Variants in PSMA4 observed in about 807,000 individuals in gnomAD.
The protein encoded by PSMA4 is proteasome 20S subunit alpha 4.
Under a neutral mutation model 37.2 loss-of-function variants are expected in PSMA4, and 8 were observed. The observed-to-expected ratio is 0.22, with a 90% confidence interval of 0.13 to 0.39. The LOEUF (loss-of-function observed/expected upper bound fraction) is 0.39, where lower values mean the gene tolerates loss of function less well. Among genes scored for constraint, PSMA4 ranks in the 10% least tolerant of loss-of-function variants. The pLI is 1.00. For synonymous variants in PSMA4, 93 were observed against 98.8 expected (o/e 0.94, Z 0.35); for missense variants, 169 against 305.1 (o/e 0.55, Z 3.32).
rs573135732 is a variant in PSMA4 at position 78,548,665 on chromosome 15, A to G, written c.632-125A>G. The stretch of plus-strand genomic sequence containing the variant: ...AAGGGAATAATGTTAAGTATAAAAC[A>G]TAGGAGAGTGCTGAACTAACGTTTC... On this transcript the variant is annotated intron_variant, in intron 8 of 8. Coordinates refer to ENST00000044462, the MANE Select transcript of PSMA4 (RefSeq NM_002789.6). The G allele has an allele frequency of 1.2e-3, 1,572 of 1,291,738 alleles. 2 individuals carry two copies. Among genetic ancestry groups the G allele is most frequent in the Non-Finnish European group, 1.5e-3 (1,455 of 960,116 alleles). 80.0% of individuals were successfully genotyped at this position (1,291,738 alleles called of 1,614,324 possible). A position where few individuals can be genotyped will look rare whatever the true frequency, so the allele number is the denominator to read the frequency against.
chr15:78,541,837 G>A, intron 1 of PSMA4, 68 bp from the exon 2 acceptor site: 3 of 1,317,556 alleles, frequency 2.3e-6, no homozygotes, highest in Non-Finnish European at 3.3e-6. Context: ...AAACAGATTT[G>A]TAAAGTCAGC....
At position 78,544,199 on chromosome 15, in the gene PSMA4, T is replaced by C. The variant is rs183640841; in HGVS notation, c.219T>C (p.Ala73=). ...TCTTTTTTTCTTCAAGGGACATGGC[T>C]TGCAGTGTGGCAGGCATAACTTCTG... The part of the protein sequence containing the change: ...EKIYKLNEDM[A]CSVAGITSDA... The change falls in exon 5 of 9, where the codon GCT becomes GCC. Residue 73 remains alanine, a synonymous_variant. Coordinates refer to ENST00000044462, the MANE Select transcript of PSMA4 (RefSeq NM_002789.6). 25 of 1,613,566 alleles carry C rather than the reference T, an allele frequency of 1.5e-5. No individual in the cohort carries two copies. Among genetic ancestry groups the C allele is most frequent in the Non-Finnish European group, 2.0e-5 (24 of 1,179,474 alleles).
rs74432965 is a variant in PSMA4 at position 78,544,396 on chromosome 15, A to G, written c.287+129A>G. On this transcript the variant is annotated intron_variant, in intron 5 of 8. Coordinates refer to ENST00000044462, the MANE Select transcript of PSMA4 (RefSeq NM_002789.6). ...AGTGGCACGATCTTGGCTCACTGCA[A>G]CCTCCGCCTCCCGGGTTCAAGCGAT... The G allele has an allele frequency of 7.1e-6, 4 of 560,912 alleles. No individual in the cohort carries two copies. The East Asian group carries it at 9.7e-5, about 14-fold the overall frequency. 34.7% of individuals were successfully genotyped at this position (560,912 alleles called of 1,614,324 possible).
At chr15:78,540,776 G>A (rs1281615159) in intron 1 of PSMA4, 8 of 152,250 alleles carry the variant, frequency 5.3e-5, no homozygotes, top group Non-Finnish European at 8.8e-5. Context: ...GGGGCGGGCT[G>A]AGGGTGGGGG....
intron 7 of PSMA4, 86 bp from the exon 8 acceptor site, chr15:78,546,489 A>G (rs902513631): frequency 8.0e-7 from 1 of 1,254,134 alleles, no homozygotes; most frequent in Non-Finnish European, 1.1e-6. Context: ...AATGCCAATA[A>G]TAATTCAGGC....
At position 78,546,645 on chromosome 15, in the gene PSMA4, C is replaced by T. The variant is rs753045965; in HGVS notation, c.578C>T (p.Ala193Val). ...EMTLKSALALAIKVLNKTMDV... is the reference protein window; with the variant it reads ...EMTLKSALALVIKVLNKTMDV... ...ACCTTGAAGTCAGCACTTGCTTTAG[C>T]TATCAAAGTACTAAATAAGACCATG... The change falls in exon 8 of 9, where the codon GCT (alanine) becomes GTT (valine). Residue 193 changes from alanine to valine, a missense_variant. Transcript: ENST00000044462. The T allele has an allele frequency of 1.2e-6, 2 of 1,604,114 alleles. No individual in the cohort carries two copies. The highest frequency in any genetic ancestry group is 3.5e-5 in the Admixed American group (2 of 57,698).
At chr15:78,543,566 C>CT (rs11414100) in intron 4 of PSMA4, among the ~76,000 whole-genome samples, 44,777 of 109,366 alleles carry the variant, frequency 0.41, 9,562 homozygotes, top group East Asian at 0.49. Flanking sequence ...CTAGCAAAAT[C>CT]TTTTTTTTTT....
chr15:78,548,686 G>A (rs570524046), intron 8 of PSMA4, 104 bp from the exon 9 acceptor site: 73 of 1,472,646 alleles, frequency 5.0e-5, no homozygotes, highest in Non-Finnish European at 6.1e-5. Flanking sequence ...CTGAACTAAC[G>A]TTTCAATGAT....
chr15:78,541,569 T>C, intron 1 of PSMA4: 1 of 322,770 alleles, frequency 3.1e-6, no homozygotes, highest in Non-Finnish European at 5.8e-6. Flanking sequence ...CCAAGGGTTC[T>C]CAGCCTTATT....
At chr15:78,544,712 A>T in intron 5 of PSMA4, 157 bp from the exon 6 acceptor site, 1 of 514,876 alleles carries the variant, frequency 1.9e-6, no homozygotes. Flanking sequence ...ATTATTTACT[A>T]TGAGAATATT....
chr15:78,545,847 T>C lies in PSMA4; in HGVS notation c.507+83T>C. On this transcript the variant is annotated intron_variant, in intron 7 of 8. Transcript: ENST00000044462. ...TTGCCATGGTGATGAATGTAAACAG[T>C]ATTTTAAGATAGCTGCAACAACCTT... is the stretch of plus-strand genomic sequence containing the variant. 4 of 1,408,620 alleles carry C rather than the reference T, an allele frequency of 2.8e-6. No homozygotes were observed. The South Asian group carries it at 4.8e-5, about 17-fold the overall frequency. The allele number at this position is 1,408,620 out of a possible 1,614,324, so 87.3% of individuals were successfully genotyped here.
intron 7 of PSMA4, 135 bp downstream of exon 7, chr15:78,545,899 T>C: frequency 4.0e-6 from 4 of 992,706 alleles, no homozygotes; most frequent in Middle Eastern, 3.1e-4. Flanking sequence ...ATCTGTGATT[T>C]CTGTTGGTGA....
chr15:78,542,245 C>G (rs996719808), intron 3 of PSMA4, 26 bp downstream of exon 3: 2 of 1,569,780 alleles, frequency 1.3e-6, no homozygotes, highest in Non-Finnish European at 1.7e-6. Context: ...TTTAATCTGC[C>G]TCAAGTTTAA....
intron 1 of PSMA4, chr15:78,540,792 G>A (rs571814813): frequency 6.6e-6 from 1 of 152,396 alleles, no homozygotes; most frequent in African/African-American, 2.4e-5. Flanking sequence ...GGGGGTCTGT[G>A]GGCAGGACCG....
Position 78,552,183 on chromosome 15 carries a change from A to G in PSMA4, c.*3239A>G, listed in dbSNP as rs1283823752. The G allele has an allele frequency of 6.6e-6, 1 of 152,224 alleles. No individual in the cohort carries two copies. Among genetic ancestry groups the G allele is most frequent in the Non-Finnish European group, 1.5e-5 (1 of 68,046 alleles). 9.4% of individuals were successfully genotyped at this position (152,224 alleles called of 1,614,324 possible). On this transcript the variant is annotated 3_prime_UTR_variant, in exon 9 of 9. Transcript: ENST00000044462. ...GATGCATCCCAAATGCTGCCTTAGC[A>G]ATACACATCTGAACAGGGGCCCATC...
At chr15:78,541,598 G>T in intron 1 of PSMA4, 2 of 354,740 alleles carry the variant, frequency 5.6e-6, no homozygotes, top group Non-Finnish European at 1.0e-5. Context: ...TCCCATCTCT[G>T]ATTTACTTTC....
intron 5 of PSMA4, 187 bp downstream of exon 5, chr15:78,544,454 C>T (rs2052515549): frequency 9.6e-6 from 5 of 518,160 alleles, no homozygotes; most frequent in Non-Finnish European, 1.7e-5. Flanking sequence ...TAGCTGACCA[C>T]CACACCGGGT....
intron 6 of PSMA4, 23 bp from the exon 7 acceptor site, chr15:78,545,611 T>C (rs2052538060): frequency 6.2e-7 from 1 of 1,611,038 alleles, no homozygotes; most frequent in Admixed American, 1.7e-5. Flanking sequence ...ATTGATATGT[T>C]TGGCTTTTTT....
chr15:78,541,351 C>T (rs2052448655), intron 1 of PSMA4: 1 of 156,476 alleles, frequency 6.4e-6, no homozygotes, highest in Non-Finnish European at 1.4e-5. Flanking sequence ...GGACCCAGAT[C>T]ACTCTCTGGA....
Sources: gnomAD v4.1 joint callset for allele counts (sites outside exome capture counted in the v4.1 genomes callset) on GRCh38, gnomAD v4.1.1 for gene constraint, MANE v1.5 for transcripts, NCBI Gene and HGNC (gene_info 2026-07-23, HGNC 2026-07-21) for gene names.